CEP135: variants seen among roughly 807,000 people sequenced by gnomAD.
CEP135 encodes centrosomal protein of 135 kDa.
A neutral mutation model predicts 157.3 loss-of-function variants in CEP135; 142 were observed. The ratio of observed to expected loss-of-function variants is 0.90; its 90% CI spans 0.79 to 1.04. The LOEUF is 1.04. Ranked by LOEUF, CEP135 falls within the 50% of genes least tolerant of loss-of-function variation. The pLI, the probability that CEP135 is intolerant of heterozygous loss-of-function variation, is 0.00. For missense variants in CEP135, 1,317 were observed against 1,309.2 expected (o/e 1.01, Z -0.09); for synonymous variants, 396 against 439.8 (o/e 0.90, Z 1.25).
intron 19 of CEP135, among the ~76,000 whole-genome samples, chr4:56,011,088 TAGC>T (rs1730566370): frequency 6.6e-6 from 1 of 151,304 alleles, no homozygotes; most frequent in Non-Finnish European, 1.5e-5. Flanking sequence ...AAAAAAAAAT[TAGC>T]TGGTATGGTG....
At chr4:55,988,235 G>T (rs987214702) in intron 14 of CEP135, among the ~76,000 whole-genome samples, 9 of 148,614 alleles carry the variant, frequency 6.1e-5, no homozygotes, top group Non-Finnish European at 1.2e-4. Flanking sequence ...GGGGCGGGGG[G>T]TGAGGGGGAA....
chr4:56,023,171 A>G (rs1269777196), intron 24 of CEP135, among the ~76,000 whole-genome samples: 1 of 152,058 alleles, frequency 6.6e-6, no homozygotes, highest in East Asian at 1.9e-4. Context: ...AGTTTGAGAT[A>G]TGATTGTACC....
In CEP135 at chr4:56,017,702, A is replaced by G; in HGVS notation, c.2857A>G (p.Met953Val). The G allele has an allele frequency of 1.2e-6, 2 of 1,613,904 alleles. No homozygotes were observed. The highest frequency in any genetic ancestry group is 8.5e-7 in the Non-Finnish European group (1 of 1,179,990). Residue 953 changes from methionine to valine, a missense_variant, in exon 22 of 26, where the codon ATG becomes GTG. Transcript: ENST00000257287. ...ESQISSMAKA[M>V]SRLEEELRHQ... ...TCAGATCTCATCAATGGCAAAAGCC[A>G]TGTCTCGATTAGAAGAAGAGCTGAG...
intron 24 of CEP135, 92 bp from the exon 25 acceptor site, chr4:56,024,409 A>G (rs1447612099): frequency 1.2e-6 from 1 of 812,390 alleles, no homozygotes; most frequent in African/African-American, 1.7e-5. Flanking sequence ...GTAATTTATT[A>G]CAAATTAGCT....
chr4:55,967,561 A>G (rs1728881270), intron 8 of CEP135, among the ~76,000 whole-genome samples: 1 of 152,218 alleles, frequency 6.6e-6, no homozygotes, highest in African/African-American at 2.4e-5. Context: ...ATTATTAGGT[A>G]GATCATTTTT....
At chr4:56,013,708 T>TTTTTG (rs1385505473) in intron 21 of CEP135, among the ~76,000 whole-genome samples, 1 of 152,152 alleles carries the variant, frequency 6.6e-6, no homozygotes, top group African/African-American at 2.4e-5. Flanking sequence ...ATTATTGTCA[T>TTTTTG]TTTTGTTTTG....
At chr4:56,023,901 T>C (rs554061055) in intron 24 of CEP135, among the ~76,000 whole-genome samples, 2 of 138,588 alleles carry the variant, frequency 1.4e-5, no homozygotes, top group Admixed American at 7.6e-5. Context: ...ATATATATAA[T>C]ATATATTATA....
intron 25 of CEP135, among the ~76,000 whole-genome samples, chr4:56,024,820 G>A (rs1486576246): frequency 1.3e-5 from 2 of 148,450 alleles, no homozygotes; most frequent in Non-Finnish European, 3.0e-5. Context: ...CATTTACAGT[G>A]TATGCTTTTT....
At chr4:55,950,798 C>CAT (rs199633904) in intron 1 of CEP135, among the ~76,000 whole-genome samples, 3,721 of 151,832 alleles carry the variant, frequency 0.025, 68 homozygotes, top group Admixed American at 0.06. Context: ...TGATGAAATG[C>CAT]ATAGAGTTTA....
chr4:55,999,767 A>G, intron 17 of CEP135, 122 bp downstream of exon 17: 1 of 915,556 alleles, frequency 1.1e-6, no homozygotes, highest in Non-Finnish European at 1.6e-6. Flanking sequence ...ATCACAGCTC[A>G]CTGCAACCCC....
chr4:56,030,475 C>T (rs566820436), intron 25 of CEP135, among the ~76,000 whole-genome samples: 18 of 152,238 alleles, frequency 1.2e-4, no homozygotes, highest in Admixed American at 8.5e-4. Flanking sequence ...GACAAGGTCT[C>T]GCGGTCTCGC....
At chr4:55,955,663 C>T (rs940098475) in intron 4 of CEP135, among the ~76,000 whole-genome samples, 7 of 152,162 alleles carry the variant, frequency 4.6e-5, no homozygotes, top group Admixed American at 6.5e-5. Context: ...GATGTATAAT[C>T]AAGATAGTGA....
At chr4:55,964,058 A>G (rs1728767527) in intron 6 of CEP135, among the ~76,000 whole-genome samples, 2 of 152,276 alleles carry the variant, frequency 1.3e-5, no homozygotes, top group Non-Finnish European at 2.9e-5. Context: ...GTAAAAATAC[A>G]TATGAAAGAT....
intron 8 of CEP135, among the ~76,000 whole-genome samples, chr4:55,966,823 T>C (rs1225714981): frequency 6.6e-6 from 1 of 152,206 alleles, no homozygotes; most frequent in Non-Finnish European, 1.5e-5. Flanking sequence ...ACTGTGTATG[T>C]CCTTGCACAT....
At chr4:56,031,332 A>G (rs1003407386) in intron 25 of CEP135, 28 bp from the exon 26 acceptor site, 2 of 152,492 alleles carry the variant, frequency 1.3e-5, no homozygotes, top group Non-Finnish European at 2.9e-5. Context: ...TTTTCTCTTA[A>G]CCCACCTTTC....
At chr4:56,006,145 CTGTTA>C (rs1387307505) in intron 17 of CEP135, among the ~76,000 whole-genome samples, 1 of 152,126 alleles carries the variant, frequency 6.6e-6, no homozygotes, top group Non-Finnish European at 1.5e-5. Flanking sequence ...GGAAAGTGTT[CTGTTA>C]TTATTTCTTT....
intron 4 of CEP135, among the ~76,000 whole-genome samples, chr4:55,955,876 CA>C (rs1286501336): frequency 1.3e-5 from 2 of 151,726 alleles, no homozygotes; most frequent in Non-Finnish European, 2.9e-5. Context: ...GATCTGTTCT[CA>C]AAAGTGTGGG....
Position 55,974,826 on chromosome 4 carries a change from G to C in CEP135, c.1330G>C (p.Asp444His). ...KRRDRSPSRL[D>H]TFLKGIEEER... ...TCGAGACAGGTCACCTTCTCGTTTA[G>C]ATACATTTCTGAAAGGTATAGAAGA... The change falls in exon 11 of 26, where the codon GAT (aspartate) becomes CAT (histidine). Residue 444 changes from aspartate (D) to histidine (H), a missense_variant. Transcript: ENST00000257287. 1.2e-5 allele frequency: 19 copies of C among 1,613,836 alleles called. No individual in the cohort carries two copies. Among genetic ancestry groups the C allele is most frequent in the Non-Finnish European group, 1.6e-5 (19 of 1,179,860 alleles).
At chr4:55,977,267 G>A (rs1197496235) in intron 11 of CEP135, among the ~76,000 whole-genome samples, 1 of 152,120 alleles carries the variant, frequency 6.6e-6, no homozygotes, top group Non-Finnish European at 1.5e-5. Flanking sequence ...TAATAACTCA[G>A]AAAAAAATTG....
Sources: allele counts gnomAD v4.1 joint callset (sites outside exome capture counted in the v4.1 genomes callset), GRCh38; gene constraint gnomAD v4.1.1; transcripts MANE v1.5; gene names NCBI Gene and HGNC (gene_info 2026-07-23, HGNC 2026-07-21).